ZKSCAN1: variants seen among roughly 807,000 people sequenced by gnomAD.
ZKSCAN1 encodes the protein zinc finger protein with KRAB and SCAN domains 1.
In ZKSCAN1, 14 loss-of-function variants were observed where a neutral mutation model predicts 51.6. The ratio of observed to expected loss-of-function variants is 0.27; its 90% CI spans 0.18 to 0.42. The LOEUF (loss-of-function observed/expected upper bound fraction) is 0.42. Among genes scored for constraint, ZKSCAN1 ranks in the 10% least tolerant of loss-of-function variants. The probability of loss-of-function intolerance (pLI) is 1.00; values close to 1 mark genes in which losing one functional copy is unlikely to be tolerated. For synonymous variants in ZKSCAN1, 263 were observed against 261.5 expected, an observed-to-expected ratio of 1.01 and a Z score of -0.06; for missense variants, 531 against 710.0, an observed-to-expected ratio of 0.75 and a Z score of 2.86.
Position 100,033,110 on chromosome 7 carries a change from T to C in ZKSCAN1, c.800-195T>C, listed in dbSNP as rs1298060427. ...TCACTTGAACCTGGGAGGCGGAGGT[T>C]GCAGTGAACTGAGATCACGTCACTG... On this transcript the variant is annotated intron_variant, in intron 5 of 5. Coordinates refer to ENST00000324306, the MANE Select transcript of ZKSCAN1 (RefSeq NM_003439.4). The surrounding 1 kb of genome is among the most constrained non-coding windows in gnomAD (Gnocchi z 4.1). Among the ~76,000 whole-genome samples the C allele has an allele frequency of 3.9e-5, 6 of 152,124 alleles. No homozygotes were observed. Among genetic ancestry groups the C allele is most frequent in the Admixed American group, 3.9e-4 (6 of 15,280 alleles).
rs1412479344 is a variant in ZKSCAN1 at position 100,039,585 on chromosome 7, C to CA, written c.*5389dup. The CA allele has an allele frequency of 2.0e-6, 2 of 985,312 alleles. No homozygotes were observed. The highest frequency in any genetic ancestry group is 2.4e-6 in the Non-Finnish European group (2 of 829,940). The allele number at this position is 985,312 out of a possible 1,614,324, so 61.0% of individuals were successfully genotyped here. A position where few individuals can be genotyped will look rare whatever the true frequency, so the allele number is the denominator to read the frequency against. On this transcript the variant is annotated 3_prime_UTR_variant, in exon 6 of 6. Transcript: ENST00000324306. ...CTTTTTTTAATTTTTATCCTAGAGT[C>CA]AGTCACTTTTATTCCAGGTAGTCAT...
chr7:100,018,627 T>A (rs1790473985), intron 1 of ZKSCAN1, among the ~76,000 whole-genome samples: 1 of 152,158 alleles, frequency 6.6e-6, no homozygotes, highest in Admixed American at 6.6e-5. Context: ...CACCTCGTGA[T>A]CCGCCCACCT....
At chr7:100,028,060 A>G (rs892966611) in intron 3 of ZKSCAN1, among the ~76,000 whole-genome samples, 1 of 152,136 alleles carries the variant, frequency 6.6e-6, no homozygotes, top group Non-Finnish European at 1.5e-5. Context: ...AGTTTAAAAA[A>G]TTAAGTACTT....
In ZKSCAN1 at chr7:100,041,508, C is replaced by T; in HGVS notation, c.*7311C>T. ...GTTTTAATCATAAGAGAAAAGGCAG[C>T]ATAATGAAATGTGTACACATACATA... On this transcript the variant is annotated 3_prime_UTR_variant, in exon 6 of 6. Transcript: ENST00000324306. 1 of 985,284 alleles carries T rather than the reference C, an allele frequency of 1.0e-6. No individual in the cohort carries two copies. The highest frequency in any genetic ancestry group is 1.7e-5 in the African/African-American group (1 of 57,280). The allele number at this position is 985,284 out of a possible 1,614,324, so 61.0% of individuals were successfully genotyped here. A position where few individuals can be genotyped will look rare whatever the true frequency, so the allele number is the denominator to read the frequency against.
chr7:100,038,129 AC>A lies in ZKSCAN1; in HGVS notation c.*3933del. On this transcript the variant is annotated 3_prime_UTR_variant, in exon 6 of 6. Transcript: ENST00000324306. The stretch of plus-strand genomic sequence containing the variant: ...AAAATAGCAAAATGTGCAACTTCTT[AC>A]AAAAATTGTTAACGTTAGGTACTTC... The A allele has an allele frequency of 1.0e-6, 1 of 985,458 alleles. No homozygotes were observed. Among genetic ancestry groups the A allele is most frequent in the Non-Finnish European group, 1.2e-6 (1 of 829,928 alleles). 61.0% of individuals were successfully genotyped at this position (985,458 alleles called of 1,614,324 possible). A position where few individuals can be genotyped will look rare whatever the true frequency, so the allele number is the denominator to read the frequency against.
chr7:100,035,712 A>G lies in ZKSCAN1; in HGVS notation c.*1515A>G, dbSNP rs973043240. Reference sequence around the variant, plus strand: ...AGATGTGGCTGGCTGTGCCATCGTCATAGTGCACAGTGACTTTTCTGTTTC... The same window carrying G: ...AGATGTGGCTGGCTGTGCCATCGTCGTAGTGCACAGTGACTTTTCTGTTTC... On this transcript the variant is annotated 3_prime_UTR_variant, in exon 6 of 6. Transcript: ENST00000324306. 11 of 354,104 alleles carry G rather than the reference A, an allele frequency of 3.1e-5. No homozygotes were observed. Among genetic ancestry groups the G allele is most frequent in the Admixed American group, 1.9e-4 (3 of 15,522 alleles). The allele number at this position is 354,104 out of a possible 1,614,324, so 21.9% of individuals were successfully genotyped here.
chr7:100,036,241 C>A lies in ZKSCAN1; in HGVS notation c.*2044C>A. The stretch of plus-strand genomic sequence containing the variant: ...TTACTTGGGAAAACGTGTTGCAAGT[C>A]AACCAGTCACTAGGATATTTCTACC... On this transcript the variant is annotated 3_prime_UTR_variant, in exon 6 of 6. Coordinates refer to ENST00000324306, the MANE Select transcript of ZKSCAN1 (RefSeq NM_003439.4). 1 of 985,402 alleles carries A rather than the reference C, an allele frequency of 1.0e-6. No individual in the cohort carries two copies. Among genetic ancestry groups the A allele is most frequent in the South Asian group, 4.7e-5 (1 of 21,280 alleles). The allele number at this position is 985,402 out of a possible 1,614,324, so 61.0% of individuals were successfully genotyped here. A position where few individuals can be genotyped will look rare whatever the true frequency, so the allele number is the denominator to read the frequency against.
chr7:100,044,597 C>T (rs1043446438), downstream of ZKSCAN1, among the ~76,000 whole-genome samples: 1 of 147,564 alleles, frequency 6.8e-6, no homozygotes, highest in African/African-American at 2.5e-5. Flanking sequence ...AGGAGAATGG[C>T]GTGAACCCGG....
chr7:100,022,686 C>T (rs1184865858), intron 1 of ZKSCAN1, among the ~76,000 whole-genome samples: 2 of 152,200 alleles, frequency 1.3e-5, no homozygotes, highest in Non-Finnish European at 2.9e-5. Flanking sequence ...CAGCCACCTA[C>T]TACTGAGCAA....
At position 100,039,789 on chromosome 7, in the gene ZKSCAN1, G is replaced by A. The variant is rs1791517655; in HGVS notation, c.*5592G>A. 4 of 985,402 alleles carry A rather than the reference G, an allele frequency of 4.1e-6. No homozygotes were observed. Among genetic ancestry groups the A allele is most frequent in the Non-Finnish European group, 4.8e-6 (4 of 829,936 alleles). The allele number at this position is 985,402 out of a possible 1,614,324, so 61.0% of individuals were successfully genotyped here. ...CTGAGCAACTTCTCAGAGATACGAG[G>A]GGGCTAGGGTTTTCCCATCTGGGAA... On this transcript the variant is annotated 3_prime_UTR_variant, in exon 6 of 6. Transcript: ENST00000324306.
chr7:100,018,490 G>A (rs977956953), intron 1 of ZKSCAN1, among the ~76,000 whole-genome samples: 3 of 151,160 alleles, frequency 2.0e-5, no homozygotes, highest in African/African-American at 4.9e-5. Flanking sequence ...CCGGGTTCAC[G>A]CCATTCTCCT....
intron 5 of ZKSCAN1, among the ~76,000 whole-genome samples, chr7:100,031,189 A>G (rs1791087374): frequency 6.6e-6 from 1 of 151,976 alleles, no homozygotes; most frequent in African/African-American, 2.4e-5. Flanking sequence ...GAAGGATGTT[A>G]CTAATGAAAC....
rs1347128504 is a variant in ZKSCAN1, at chr7:100,030,243, T to C, written c.673-6T>C. ...GGAAATGACTGTTTGTCTCGTGTTA[T>C]TTTAGGCAATGGTGAAGATCGAGGA... On this transcript the variant is annotated splice_region_variant and splice_polypyrimidine_tract_variant and intron_variant, in intron 4 of 5. Transcript: ENST00000324306. 27 of 1,613,374 alleles carry C rather than the reference T, an allele frequency of 1.7e-5. No homozygotes were observed. Among genetic ancestry groups the C allele is most frequent in the Non-Finnish European group, 2.2e-5 (26 of 1,179,598 alleles).
intron 3 of ZKSCAN1, chr7:100,024,571 A>G: frequency 2.4e-6 from 1 of 408,932 alleles, no homozygotes; most frequent in South Asian, 2.6e-5. Flanking sequence ...CAACCTGGGC[A>G]ACACAGCAAG....
rs1791272942 is a variant in ZKSCAN1, at chr7:100,034,690, T to A, written c.*493T>A. The A allele has an allele frequency of 2.6e-6, 1 of 391,148 alleles. No homozygotes were observed. The highest frequency in any genetic ancestry group is 3.5e-6 in the Non-Finnish European group (1 of 285,404). 24.2% of individuals were successfully genotyped at this position (391,148 alleles called of 1,614,324 possible). ...CATTGGGACATGCTGCTCAAGGTAG[T>A]TATATATACGATAAGTTGTATATAT... On this transcript the variant is annotated 3_prime_UTR_variant, in exon 6 of 6. Coordinates refer to ENST00000324306, the MANE Select transcript of ZKSCAN1 (RefSeq NM_003439.4).
intron 1 of ZKSCAN1, among the ~76,000 whole-genome samples, chr7:100,017,311 C>T (rs897240722): frequency 6.6e-6 from 1 of 152,076 alleles, no homozygotes; most frequent in Non-Finnish European, 1.5e-5. Context: ...CAACCTCTGC[C>T]TCCCGAGTTC....
chr7:100,038,282 C>T lies in ZKSCAN1; in HGVS notation c.*4085C>T. 1.0e-6 allele frequency: 1 copy of T among 985,306 alleles called. No homozygotes were observed. Among genetic ancestry groups the T allele is most frequent in the Non-Finnish European group, 1.2e-6 (1 of 829,922 alleles). The allele number at this position is 985,306 out of a possible 1,614,324, so 61.0% of individuals were successfully genotyped here. A position where few individuals can be genotyped will look rare whatever the true frequency, so the allele number is the denominator to read the frequency against. ...AGCCTATTTGACAGAACACATCACT[C>T]AGAAAAAGTGAAGTTTCAGAGCAAA... On this transcript the variant is annotated 3_prime_UTR_variant, in exon 6 of 6. Transcript: ENST00000324306.
chr7:100,020,131 T>A lies in ZKSCAN1; in HGVS notation c.-88-3288T>A, dbSNP rs577064264. Among the ~76,000 whole-genome samples the A allele has an allele frequency of 6.6e-5, 10 of 152,274 alleles. No individual in the cohort carries two copies. In the East Asian group the frequency reaches 1.9e-3, roughly 29 times the overall value. On this transcript the variant is annotated intron_variant, in intron 1 of 5. Transcript: ENST00000324306. ...TAAACATTGGCTCTTACTGTTATAG[T>A]TATGAGAGGGTTCTTGAACAGTGAT...
chr7:100,039,953 T>C lies in ZKSCAN1; in HGVS notation c.*5756T>C. 1.0e-6 allele frequency: 1 copy of C among 973,086 alleles called. No homozygotes were observed. The highest frequency in any genetic ancestry group is 4.8e-5 in the South Asian group (1 of 20,992). The allele number at this position is 973,086 out of a possible 1,614,324, so 60.3% of individuals were successfully genotyped here. On this transcript the variant is annotated 3_prime_UTR_variant, in exon 6 of 6. Coordinates refer to ENST00000324306, the MANE Select transcript of ZKSCAN1 (RefSeq NM_003439.4). ...CTACTGGAGAATTTAATAAAAGGCA[T>C]TATTTGAAAAGTTTTTCTAACATAG...
Sources: gnomAD v4.1 joint callset for allele counts (sites outside exome capture counted in the v4.1 genomes callset) on GRCh38, gnomAD v4.1.1 for gene constraint, Gnocchi (gnomAD v3.1) non-coding constraint, MANE v1.5 for transcripts, NCBI Gene and HGNC (gene_info 2026-07-23, HGNC 2026-07-21) for gene names.